The following KCNIP1 variants were observed in gnomAD, a reference collection of about 807,000 sequenced individuals.
KCNIP1 encodes the protein A-type potassium channel modulatory protein KCNIP1.
In KCNIP1, 18 loss-of-function variants were observed where a neutral mutation model predicts 33.0. The observed-to-expected ratio is 0.55, with a 90% CI of 0.38 to 0.81. The LOEUF (loss-of-function observed/expected upper bound fraction) is 0.81, where lower values mean the gene tolerates loss of function less well. Ranked by LOEUF, KCNIP1 falls within the 30% of genes least tolerant of loss-of-function variation. The pLI, the probability that KCNIP1 is intolerant of heterozygous loss-of-function variation, is 0.00. For missense variants in KCNIP1, 238 were observed against 271.6 expected (o/e 0.88, Z 0.87); for synonymous variants, 93 against 98.3 (o/e 0.95, Z 0.32).
chr5:170,602,663 T>C (rs58582629), intron 1 of KCNIP1, among the ~76,000 whole-genome samples: 48,280 of 151,898 alleles, frequency 0.32, 8,693 homozygotes, highest in Non-Finnish European at 0.42. Context: ...TCCATGAACC[T>C]AGGACAGGGA....
chr5:170,448,858 C>G (rs1756180653), intron 1 of KCNIP1, among the ~76,000 whole-genome samples: 2 of 152,200 alleles, frequency 1.3e-5, no homozygotes, highest in Admixed American at 1.3e-4. Context: ...TTAAAATATA[C>G]TCTATAATTA....
At chr5:170,541,436 C>T (rs1325393693) in intron 1 of KCNIP1, among the ~76,000 whole-genome samples, 1 of 152,208 alleles carries the variant, frequency 6.6e-6, no homozygotes, top group African/African-American at 2.4e-5. Context: ...GTGCTACCAG[C>T]TCCATTAATC....
chr5:170,467,649 G>A lies in KCNIP1; in HGVS notation c.88+113685G>A, dbSNP rs142127229. ...GAACTAAGTATAGGCTGGGCGCGGT[G>A]GCTCACGCCTGTAATCCCAGGGCTT... On this transcript the variant is annotated intron_variant, in intron 1 of 7. Transcript: ENST00000377360. Among the ~76,000 whole-genome samples, 753 of 152,236 alleles carry A rather than the reference G, an allele frequency of 4.9e-3. 3 individuals are homozygous for A. The highest frequency in any genetic ancestry group is 0.028 in the South Asian group (136 of 4,822).
intron 3 of KCNIP1, 85 bp downstream of exon 3, chr5:170,720,475 A>T: frequency 9.3e-7 from 1 of 1,074,986 alleles, no homozygotes; most frequent in East Asian, 2.4e-5. Flanking sequence ...CTTCCTTGCC[A>T]TTTGCTTCCT....
rs566062182 is a variant in KCNIP1, at chr5:170,550,435, A to G, written c.61+45802A>G. Among the ~76,000 whole-genome samples the G allele has an allele frequency of 5.3e-5, 8 of 152,342 alleles. No homozygotes were observed. The East Asian group carries it at 1.5e-3, about 29-fold the overall frequency. ...GTTAACAGGAATGACGATGATGATT[A>G]TGATGGTGATGATGATGGCAATGAT... On this transcript the variant is annotated intron_variant, in intron 1 of 7. Coordinates refer to ENST00000328939, the MANE Select transcript of KCNIP1 (RefSeq NM_014592.4).
rs559611441 is a variant in KCNIP1 at position 170,469,735 on chromosome 5, T to A, written c.88+115771T>A. 9.8e-5 allele frequency among the ~76,000 whole-genome samples: 15 copies of A among 152,312 alleles called. No homozygotes were observed. The South Asian group carries it at 2.1e-3, about 21-fold the overall frequency. On this transcript the variant is annotated intron_variant, in intron 1 of 7. Transcript: ENST00000377360. ...CCTTGCTGCATTGCAAAGCCACCTT[T>A]ATCTAGCAATGAATTCCCATTTGTA...
At chr5:170,528,156 A>G (rs1166399557) in intron 1 of KCNIP1, among the ~76,000 whole-genome samples, 2 of 152,082 alleles carry the variant, frequency 1.3e-5, no homozygotes, top group Non-Finnish European at 2.9e-5. Flanking sequence ...TCAGCAGCCA[A>G]TCCCACCCAG....
chr5:170,433,942 G>C (rs1339187134), intron 1 of KCNIP1, among the ~76,000 whole-genome samples: 6 of 152,140 alleles, frequency 3.9e-5, no homozygotes, highest in African/African-American at 1.4e-4. Context: ...CCATGCAGAG[G>C]GGCCTCCTGC....
intron 1 of KCNIP1, among the ~76,000 whole-genome samples, chr5:170,681,894 A>G (rs1253469028): frequency 3.9e-5 from 6 of 152,210 alleles, no homozygotes; most frequent in African/African-American, 1.4e-4. Flanking sequence ...TGTCTAGATG[A>G]TTTTTGTCAC....
chr5:170,493,666 G>A (rs571972403), intron 1 of KCNIP1, among the ~76,000 whole-genome samples: 1 of 152,280 alleles, frequency 6.6e-6, no homozygotes, highest in East Asian at 1.9e-4. Flanking sequence ...TAAGGAAGAG[G>A]ACACTGAACA....
At chr5:170,355,008 T>C (rs1470487512) in intron 1 of KCNIP1, among the ~76,000 whole-genome samples, 1 of 152,314 alleles carries the variant, frequency 6.6e-6, no homozygotes, top group Non-Finnish European at 1.5e-5. Context: ...AGAGAAAGGC[T>C]ATATGCAGCC....
chr5:170,589,794 T>TGCGGTGCGGTGCGGTGTGGTGCGGTGCG (rs1554103000), intron 1 of KCNIP1, among the ~76,000 whole-genome samples: 1 of 113,164 alleles, frequency 8.8e-6, no homozygotes. Flanking sequence ...TGTGATGTGG[T>TGCGGTGCGGTGCGGTGTGGTGCGGTGCG]GTGCGGTGCG....
At chr5:170,444,263 GC>G (rs1756057732) in intron 1 of KCNIP1, among the ~76,000 whole-genome samples, 2 of 152,112 alleles carry the variant, frequency 1.3e-5, no homozygotes, top group African/African-American at 4.8e-5. Flanking sequence ...CTGTTTCCTT[GC>G]CTTTTCCAGT....
intron 1 of KCNIP1, among the ~76,000 whole-genome samples, chr5:170,425,757 G>T (rs191052595): frequency 1.3e-5 from 2 of 152,336 alleles, no homozygotes; most frequent in East Asian, 3.9e-4. Context: ...CCAGGTGAGG[G>T]CTCTGGGTGT....
intron 1 of KCNIP1, among the ~76,000 whole-genome samples, chr5:170,446,852 T>A (rs1222156639): frequency 6.6e-6 from 1 of 152,194 alleles, no homozygotes; most frequent in Non-Finnish European, 1.5e-5. Context: ...AACTGGGCCC[T>A]CACGTCCCTC....
chr5:170,641,667 G>T (rs1234938052), intron 1 of KCNIP1, among the ~76,000 whole-genome samples: 1 of 152,178 alleles, frequency 6.6e-6, no homozygotes, highest in Non-Finnish European at 1.5e-5. Flanking sequence ...CAAAGGGGTG[G>T]CGGCTTCCAG....
rs1388574016 is a variant in KCNIP1 at position 170,413,921 on chromosome 5, T to C, written c.88+59957T>C. The stretch of plus-strand genomic sequence containing the variant: ...AACTGTATCTGCTACCATTCCTGAG[T>C]GGAAGTTAAAAAAAAAAAAAAAAAA... On this transcript the variant is annotated intron_variant, in intron 1 of 7. Transcript: ENST00000377360. Among the ~76,000 whole-genome samples, 3 of 97,440 alleles carry C rather than the reference T, an allele frequency of 3.1e-5. No homozygotes were observed. The South Asian group carries it at 1.1e-3, about 36-fold the overall frequency. 63.9% of individuals were successfully genotyped at this position (97,440 alleles called of 152,430 possible). A position where few individuals can be genotyped will look rare whatever the true frequency, so the allele number is the denominator to read the frequency against.
At chr5:170,721,462 G>A (rs765025322) in intron 3 of KCNIP1, among the ~76,000 whole-genome samples, 4 of 152,110 alleles carry the variant, frequency 2.6e-5, no homozygotes, top group African/African-American at 9.7e-5. Context: ...GTAGTACAGC[G>A]GCATCCAAGT....
Position 170,504,384 on chromosome 5 carries a change from G to C in KCNIP1, c.-189G>C. The C allele has an allele frequency of 7.0e-7, 1 of 1,435,792 alleles. No homozygotes were observed. The highest frequency in any genetic ancestry group is 9.1e-7 in the Non-Finnish European group (1 of 1,100,626). The allele number at this position is 1,435,792 out of a possible 1,614,324, so 88.9% of individuals were successfully genotyped here. On this transcript the variant is annotated 5_prime_UTR_variant, in exon 1 of 8. Transcript: ENST00000328939. This position sits in a 1 kb window ranked among gnomAD's most constrained non-coding sequence, Gnocchi z 6.0. ...CGGCTAGCCCTGAGTCCCTGCATGT[G>C]CGGGGCTGAAGAAGGAAGCCAGAAG... is the stretch of plus-strand genomic sequence containing the variant.
Sources: gnomAD v4.1 joint callset for allele counts (sites outside exome capture counted in the v4.1 genomes callset) on GRCh38, gnomAD v4.1.1 for gene constraint, Gnocchi (gnomAD v3.1) non-coding constraint, MANE v1.5 for transcripts, NCBI Gene and HGNC (gene_info 2026-07-23, HGNC 2026-07-21) for gene names.